The following CTNNA3 variants were observed in gnomAD, a reference collection of about 807,000 sequenced individuals.
CTNNA3 encodes the protein catenin alpha-3.
Under a neutral mutation model 95.7 loss-of-function variants are expected in CTNNA3, and 76 were observed. The ratio of observed to expected loss-of-function variants is 0.79; its 90% confidence interval spans 0.66 to 0.96. The LOEUF is 0.96. CTNNA3 is among the 40% of genes least tolerant of loss of function. CTNNA3 has a pLI of 0.00. For synonymous variants in CTNNA3, 431 were observed against 374.4 expected (o/e 1.15, Z -1.74); for missense variants, 1,191 against 1,089.8 (o/e 1.09, Z -1.31).
At chr10:67,254,845 T>A (rs186973899) in intron 5 of CTNNA3, among the ~76,000 whole-genome samples, 25 of 152,314 alleles carry the variant, frequency 1.6e-4, no homozygotes, top group South Asian at 1.0e-3. Context: ...TTTGTATAAG[T>A]ACACTCTATG....
chr10:66,312,803 C>T (rs984740422), intron 12 of CTNNA3, among the ~76,000 whole-genome samples: 2 of 152,110 alleles, frequency 1.3e-5, no homozygotes, highest in Admixed American at 1.3e-4. Flanking sequence ...CCTCGGCCTC[C>T]CAAAGTGCTG....
chr10:66,855,483 A>G (rs1166001241), intron 7 of CTNNA3, among the ~76,000 whole-genome samples: 1 of 152,006 alleles, frequency 6.6e-6, no homozygotes, highest in Non-Finnish European at 1.5e-5. Flanking sequence ...CTGCTACACT[A>G]GTGAATGTCA....
At chr10:67,726,266 T>C (rs1841214656) in intron 1 of CTNNA3, among the ~76,000 whole-genome samples, 1 of 84,430 alleles carries the variant, frequency 1.2e-5, no homozygotes. Context: ...TTGTATTACA[T>C]ATTATATATA....
chr10:67,133,376 T>TACACAC (rs1429660924), intron 7 of CTNNA3, among the ~76,000 whole-genome samples: 78 of 133,374 alleles, frequency 5.8e-4, no homozygotes, highest in African/African-American at 2.2e-3. Context: ...CATATATATA[T>TACACAC]ATACACACAC....
chr10:67,125,380 C>G (rs1589766971), intron 7 of CTNNA3, among the ~76,000 whole-genome samples: 1 of 151,966 alleles, frequency 6.6e-6, no homozygotes, highest in South Asian at 2.1e-4. Flanking sequence ...TACGTTATTC[C>G]CCCAAATCTC....
chr10:67,612,691 A>G (rs993033205), intron 2 of CTNNA3, among the ~76,000 whole-genome samples: 1 of 152,200 alleles, frequency 6.6e-6, no homozygotes, highest in African/African-American at 2.4e-5. Context: ...GCCTTTGCCC[A>G]TCAACCTGCC....
intron 13 of CTNNA3, among the ~76,000 whole-genome samples, chr10:66,154,663 T>C (rs1024243127): frequency 3.5e-5 from 5 of 144,634 alleles, no homozygotes; most frequent in Non-Finnish European, 7.5e-5. Flanking sequence ...TTTTAGAAAC[T>C]CCCTGTAGTA....
chr10:67,168,894 T>A (rs1288839883), intron 7 of CTNNA3, among the ~76,000 whole-genome samples: 2 of 152,214 alleles, frequency 1.3e-5, no homozygotes, highest in Non-Finnish European at 2.9e-5. Flanking sequence ...ATACCCATAG[T>A]CTTAGCTCAA....
At chr10:67,397,809 G>A (rs1589252233) in intron 5 of CTNNA3, among the ~76,000 whole-genome samples, 2 of 152,230 alleles carry the variant, frequency 1.3e-5, no homozygotes, top group African/African-American at 4.8e-5. Flanking sequence ...TCCAGACATG[G>A]CTAAAAGGGG....
chr10:67,430,345 C>T (rs1374143669), intron 5 of CTNNA3, among the ~76,000 whole-genome samples: 1 of 151,894 alleles, frequency 6.6e-6, no homozygotes, highest in African/African-American at 2.4e-5. Context: ...AAGGCAGTAT[C>T]ACTTCAACTC....
At chr10:66,986,682 C>T (rs143436886) in intron 7 of CTNNA3, among the ~76,000 whole-genome samples, 11 of 152,182 alleles carry the variant, frequency 7.2e-5, no homozygotes, top group Admixed American at 7.2e-4. Context: ...CCTTGTAAGT[C>T]AACTTTTACA....
At chr10:67,508,907 G>A (rs183812708) in intron 5 of CTNNA3, among the ~76,000 whole-genome samples, 3 of 150,266 alleles carry the variant, frequency 2.0e-5, no homozygotes, top group East Asian at 2.0e-4. Flanking sequence ...CCTAAGTCTC[G>A]CTCTTGTACC....
chr10:67,530,472 C>T (rs1840293029), intron 4 of CTNNA3, among the ~76,000 whole-genome samples: 1 of 152,156 alleles, frequency 6.6e-6, no homozygotes, highest in South Asian at 2.1e-4. Flanking sequence ...TGGCATTTTG[C>T]CCTGCCCTAG....
At chr10:67,631,314 T>TA (rs894362685) in intron 2 of CTNNA3, among the ~76,000 whole-genome samples, 6 of 150,800 alleles carry the variant, frequency 4.0e-5, no homozygotes, top group African/African-American at 1.5e-4. Flanking sequence ...AAAAAAAAAA[T>TA]ACATTAAAGA....
chr10:66,154,414 T>C (rs776046364), intron 13 of CTNNA3, among the ~76,000 whole-genome samples: 3 of 151,624 alleles, frequency 2.0e-5, no homozygotes, highest in South Asian at 2.1e-4. Flanking sequence ...ATCTTACTTA[T>C]ATAGCACATT....
At chr10:66,441,826 C>A (rs1036202252) in intron 11 of CTNNA3, among the ~76,000 whole-genome samples, 11 of 152,024 alleles carry the variant, frequency 7.2e-5, no homozygotes, top group Non-Finnish European at 1.6e-4. Flanking sequence ...TGTGTATTTG[C>A]CAGATTAGAA....
chr10:66,389,955 C>G (rs1013519102), intron 11 of CTNNA3, among the ~76,000 whole-genome samples: 10 of 152,052 alleles, frequency 6.6e-5, no homozygotes, highest in African/African-American at 2.2e-4. Context: ...AGGCTGATAT[C>G]GACCTCCTCG....
Position 66,454,831 on chromosome 10 carries a change from A to G in CTNNA3, c.1531+65786T>C, listed in dbSNP as rs1589275104. Among the ~76,000 whole-genome samples the G allele has an allele frequency of 5.8e-5, 6 of 104,154 alleles. No individual in the cohort carries two copies. In the South Asian group the frequency reaches 2.4e-3, roughly 41 times the overall value. 68.3% of individuals were successfully genotyped at this position (104,154 alleles called of 152,430 possible). ...GAGGGAGAGGAGGGGGAGGAGGGGG[A>G]GGAGGGGAAGAAAGGGGGAAAAGGC... On this transcript the variant is annotated intron_variant, in intron 11 of 17. Transcript: ENST00000433211.
intron 13 of CTNNA3, among the ~76,000 whole-genome samples, chr10:66,198,003 G>C (rs2087074080): frequency 6.6e-6 from 1 of 152,086 alleles, no homozygotes; most frequent in Non-Finnish European, 1.5e-5. Flanking sequence ...TGTAGGAGGA[G>C]AAAAATAGGG....
Sources: allele counts gnomAD v4.1 joint callset (sites outside exome capture counted in the v4.1 genomes callset), GRCh38; gene constraint gnomAD v4.1.1; transcripts MANE v1.5; gene names NCBI Gene and HGNC (gene_info 2026-07-23, HGNC 2026-07-21).